ZNF383: variants seen among roughly 807,000 people sequenced by gnomAD.
ZNF383 encodes zinc finger protein 383.
A neutral mutation model predicts 44.2 loss-of-function variants in ZNF383; 32 were observed. The ratio of observed to expected loss-of-function variants is 0.72; its 90% CI spans 0.55 to 0.97. The LOEUF (loss-of-function observed/expected upper bound fraction) is 0.97. Among genes scored for constraint, ZNF383 ranks in the 50% least tolerant of loss-of-function variants. ZNF383 has a pLI of 0.00. For missense variants in ZNF383, 487 were observed against 562.5 expected (o/e 0.87, Z 1.36); for synonymous variants, 155 against 186.2 (o/e 0.83, Z 1.36).
intron 1 of ZNF383, among the ~76,000 whole-genome samples, chr19:37,221,682 CT>C (rs1444854134): frequency 1.3e-5 from 2 of 151,570 alleles, no homozygotes; most frequent in Non-Finnish European, 2.9e-5. Flanking sequence ...GGCGCGGTGG[CT>C]CGTGCCTGTA....
At chr19:37,222,950 TACA>T (rs753530406) in intron 1 of ZNF383, among the ~76,000 whole-genome samples, 3 of 152,214 alleles carry the variant, frequency 2.0e-5, no homozygotes, top group Non-Finnish European at 2.9e-5. Context: ...GAATAGATTT[TACA>T]ACAAGAAGCT....
intron 5 of ZNF383, among the ~76,000 whole-genome samples, chr19:37,237,356 G>C (rs1204795283): frequency 6.6e-6 from 1 of 152,032 alleles, no homozygotes; most frequent in Non-Finnish European, 1.5e-5. Context: ...ACTATGTATA[G>C]AGATATTGTT....
In ZNF383 at chr19:37,221,968, A is replaced by AG. The variant is rs1267828255; in HGVS notation, c.-167-2850_-167-2849insG. On this transcript the variant is annotated intron_variant, in intron 1 of 5. Transcript: ENST00000684119. ...GAGACTCTGTCTCAAAAAAAAAAAA[A>AG]AAAAAGAAAAAGCATATTCCTTTGA... is the stretch of plus-strand genomic sequence containing the variant. 8.3e-3 allele frequency among the ~76,000 whole-genome samples: 1,253 copies of AG among 151,454 alleles called. 21 individuals are homozygous for AG. Among genetic ancestry groups the AG allele is most frequent in the African/African-American group, 0.029 (1,209 of 41,242 alleles).
chr19:37,223,388 A>G (rs1223825896), intron 1 of ZNF383, among the ~76,000 whole-genome samples: 1 of 152,226 alleles, frequency 6.6e-6, no homozygotes, highest in Non-Finnish European at 1.5e-5. Flanking sequence ...CTAGAAGTCA[A>G]TAACAAGAAG....
At chr19:37,234,233 C>T (rs1227874739) in intron 3 of ZNF383, among the ~76,000 whole-genome samples, 1 of 152,112 alleles carries the variant, frequency 6.6e-6, no homozygotes, top group Non-Finnish European at 1.5e-5. Context: ...AATGAAACAT[C>T]TAAATATCCA....
chr19:37,222,114 A>G (rs771590456), intron 1 of ZNF383, among the ~76,000 whole-genome samples: 2 of 152,144 alleles, frequency 1.3e-5, no homozygotes, highest in Non-Finnish European at 2.9e-5. Flanking sequence ...TTCTATAGCC[A>G]TAGACTAATT....
At position 37,245,076 on chromosome 19, in the gene ZNF383, A is replaced by T. The variant is rs12982790; in HGVS notation, c.*1412A>T. 23,191 of 152,040 alleles carry T rather than the reference A, an allele frequency of 0.15. 1,979 individuals carry two copies. Among genetic ancestry groups the T allele is most frequent in the Non-Finnish European group, 0.19 (13,165 of 67,994 alleles). 9.4% of individuals were successfully genotyped at this position (152,040 alleles called of 1,614,324 possible). On this transcript the variant is annotated 3_prime_UTR_variant, in exon 6 of 6. Coordinates refer to ENST00000684119, the MANE Select transcript of ZNF383 (RefSeq NM_001387601.1). ...GGGAGGCCGAGGTGGGCGGATCACA[A>T]GGTCTGAAGATTAAGGCCATCCTGG...
At chr19:37,226,355 C>G (rs1973169006) in intron 2 of ZNF383, 1 of 152,170 alleles carries the variant, frequency 6.6e-6, no homozygotes, top group South Asian at 2.1e-4. Flanking sequence ...CATGGACACT[C>G]AGAGTCTATA....
At chr19:37,235,733 C>A in intron 4 of ZNF383, 58 bp downstream of exon 4, 1 of 1,512,450 alleles carries the variant, frequency 6.6e-7, no homozygotes, top group Non-Finnish European at 8.9e-7. Context: ...CCTTCTTCCA[C>A]AGTGAATTTC....
rs1974299561 is a variant in ZNF383 at position 37,244,833 on chromosome 19, A to G, written c.*1169A>G. On this transcript the variant is annotated 3_prime_UTR_variant, in exon 6 of 6. Coordinates refer to ENST00000684119, the MANE Select transcript of ZNF383 (RefSeq NM_001387601.1). ...CGTGCTATACTTTGCTTTTTTAAGA[A>G]AGTGTAATTATGATATGCATGCTGT... 1 of 152,218 alleles carries G rather than the reference A, an allele frequency of 6.6e-6. No homozygotes were observed. Among genetic ancestry groups the G allele is most frequent in the Non-Finnish European group, 1.5e-5 (1 of 68,044 alleles). 9.4% of individuals were successfully genotyped at this position (152,218 alleles called of 1,614,324 possible).
chr19:37,243,439 G>A lies in ZNF383; in HGVS notation c.1203G>A (p.Lys401=). The A allele has an allele frequency of 6.2e-7, 1 of 1,614,056 alleles. No individual in the cohort carries two copies. Among genetic ancestry groups the A allele is most frequent in the Non-Finnish European group, 8.5e-7 (1 of 1,179,990 alleles). The part of the protein sequence containing the change: ...EKPFECLECG[K]AFTQNSQLFQ... ...CCTTTGAATGTCTTGAATGTGGGAA[G>A]GCCTTTACTCAGAACTCACAACTTT... is the stretch of plus-strand genomic sequence containing the variant. Residue 401 remains lysine (K), a synonymous_variant, in exon 6 of 6, where the codon AAG becomes AAA. Coordinates refer to ENST00000684119, the MANE Select transcript of ZNF383 (RefSeq NM_001387601.1).
chr19:37,218,502 A>G (rs1972776723), intron 1 of ZNF383, among the ~76,000 whole-genome samples: 1 of 151,910 alleles, frequency 6.6e-6, no homozygotes, highest in African/African-American at 2.4e-5. Context: ...GTAACAATGT[A>G]AGGCTGTATG....
chr19:37,226,995 G>A (rs138753190), intron 2 of ZNF383, among the ~76,000 whole-genome samples: 1 of 151,628 alleles, frequency 6.6e-6, no homozygotes, highest in African/African-American at 2.4e-5. Flanking sequence ...TTTTAGTAAA[G>A]ACAGAATTTC....
At chr19:37,236,123 C>G in intron 5 of ZNF383, 49 bp downstream of exon 5, 1 of 1,473,664 alleles carries the variant, frequency 6.8e-7, no homozygotes, top group Non-Finnish European at 9.4e-7. Context: ...GGTCAGAACT[C>G]AGCTGGTCAG....
intron 5 of ZNF383, among the ~76,000 whole-genome samples, chr19:37,236,645 C>A (rs1002878672): frequency 1.8e-4 from 28 of 151,540 alleles, no homozygotes; most frequent in Non-Finnish European, 3.1e-4. Flanking sequence ...TCTTGGTTCA[C>A]TGCAACCTCT....
At chr19:37,224,271 AAACT>A (rs1291162523) in intron 1 of ZNF383, among the ~76,000 whole-genome samples, 7 of 152,220 alleles carry the variant, frequency 4.6e-5, no homozygotes, top group Admixed American at 3.3e-4. Context: ...ACAGTGAAGA[AAACT>A]AACAAAGGCA....
intron 5 of ZNF383, among the ~76,000 whole-genome samples, chr19:37,238,992 T>TC (rs1490411364): frequency 1.3e-5 from 2 of 152,186 alleles, no homozygotes; most frequent in Non-Finnish European, 2.9e-5. Flanking sequence ...TGATCTCAGC[T>TC]CACTGTAGCC....
intron 2 of ZNF383, among the ~76,000 whole-genome samples, chr19:37,229,513 C>T (rs1280755049): frequency 5.6e-5 from 8 of 141,676 alleles, no homozygotes; most frequent in East Asian, 2.1e-4. Context: ...GGTTGGAGTG[C>T]GATGGCACAA....
intron 5 of ZNF383, 96 bp downstream of exon 5, chr19:37,236,170 C>A: frequency 1.1e-6 from 1 of 872,200 alleles, no homozygotes; most frequent in Non-Finnish European, 1.8e-6. Context: ...ATCCCTGAAG[C>A]TCCCATCAAG....
Sources: allele counts gnomAD v4.1 joint callset (sites outside exome capture counted in the v4.1 genomes callset), GRCh38; gene constraint gnomAD v4.1.1; transcripts MANE v1.5; gene names NCBI Gene and HGNC (gene_info 2026-07-23, HGNC 2026-07-21).